SLC14A2: variants seen among roughly 807,000 people sequenced by gnomAD.
SLC14A2 encodes urea transporter 2.
Under a neutral mutation model 104.6 loss-of-function variants are expected in SLC14A2, and 91 were observed. The ratio of observed to expected loss-of-function variants is 0.87; its 90% confidence interval spans 0.73 to 1.04. The LOEUF (loss-of-function observed/expected upper bound fraction) is 1.04, where lower values mean the gene tolerates loss of function less well. Ranked by LOEUF, SLC14A2 falls within the 50% of genes least tolerant of loss-of-function variation. SLC14A2 has a pLI of 0.00. For missense variants in SLC14A2, 1,189 were observed against 1,156.0 expected (o/e 1.03, Z -0.41); for synonymous variants, 476 against 466.4 (o/e 1.02, Z -0.27).
the SLC14A2 span, among the ~76,000 whole-genome samples, chr18:45,196,383 T>C: frequency 2.6e-5 from 4 of 152,180 alleles, no homozygotes; most frequent in Non-Finnish European, 5.9e-5. Context: ...TGTTTCTTAT[T>C]GTGGATCACA....
chr18:45,376,215 G>A (rs1051701396), intron 1 of SLC14A2, among the ~76,000 whole-genome samples: 2 of 152,108 alleles, frequency 1.3e-5, no homozygotes, highest in Admixed American at 6.6e-5. Flanking sequence ...TGTGCACGCC[G>A]CCACTTTACT....
At chr18:45,314,318 A>C (rs60473906) in intron 1 of SLC14A2, among the ~76,000 whole-genome samples, 2,673 of 152,324 alleles carry the variant, frequency 0.018, 63 homozygotes, top group African/African-American at 0.061. Flanking sequence ...CTCCATAAAT[A>C]AGTAGTAAAC....
intron 2 of SLC14A2, among the ~76,000 whole-genome samples, chr18:45,593,035 A>AGGCCGGGCGCC (rs1209123712): frequency 2.6e-5 from 4 of 152,182 alleles, no homozygotes; most frequent in African/African-American, 9.7e-5. Context: ...ATAACATGTG[A>AGGCCGGGCGCC]GGCCGGGCGC....
chr18:45,656,774 C>T (rs2045845191), intron 10 of SLC14A2, among the ~76,000 whole-genome samples: 1 of 152,092 alleles, frequency 6.6e-6, no homozygotes, highest in African/African-American at 2.4e-5. Flanking sequence ...AACGTCTTCC[C>T]CATGGAATAA....
At chr18:45,493,475 AAC>A (rs1568239397) in intron 2 of SLC14A2, among the ~76,000 whole-genome samples, 1 of 152,238 alleles carries the variant, frequency 6.6e-6, no homozygotes, top group Non-Finnish European at 1.5e-5. Flanking sequence ...CACCTATAAT[AAC>A]AACAGCATTA....
At chr18:45,286,691 C>G (rs2084817658) in intron 1 of SLC14A2, among the ~76,000 whole-genome samples, 1 of 151,856 alleles carries the variant, frequency 6.6e-6, no homozygotes, top group Non-Finnish European at 1.5e-5. Flanking sequence ...ATGCATAACA[C>G]ACACACTCTC....
At chr18:45,608,850 G>C (rs1008457361) in intron 2 of SLC14A2, among the ~76,000 whole-genome samples, 1 of 152,152 alleles carries the variant, frequency 6.6e-6, no homozygotes, top group Admixed American at 6.5e-5. Context: ...GCGTGAGGGG[G>C]GCATGGAATA....
chr18:45,627,211 T>C, intron 4 of SLC14A2, 64 bp downstream of exon 4: 8 of 1,466,952 alleles, frequency 5.5e-6, no homozygotes, highest in Non-Finnish European at 7.6e-6. Flanking sequence ...AGGTGTTTAC[T>C]TGAGTAATCA....
At chr18:45,535,484 G>GAT (rs2043766429) in intron 2 of SLC14A2, among the ~76,000 whole-genome samples, 1 of 152,168 alleles carries the variant, frequency 6.6e-6, no homozygotes, top group South Asian at 2.1e-4. Flanking sequence ...CATCCCGTGA[G>GAT]ATATATATTT....
chr18:45,196,021 C>G, the SLC14A2 span, among the ~76,000 whole-genome samples: 24 of 152,138 alleles, frequency 1.6e-4, no homozygotes, highest in Non-Finnish European at 2.9e-4. Flanking sequence ...AGGAGACTGA[C>G]ATACAGAAGA....
chr18:45,473,888 G>T (rs534196715), intron 1 of SLC14A2, among the ~76,000 whole-genome samples: 3 of 152,210 alleles, frequency 2.0e-5, no homozygotes, highest in South Asian at 4.1e-4. Flanking sequence ...TTGCCTGATT[G>T]CCCTGGCCAG....
At chr18:45,281,305 TAC>T (rs201084847) in intron 1 of SLC14A2, among the ~76,000 whole-genome samples, 2 of 152,036 alleles carry the variant, frequency 1.3e-5, no homozygotes, top group African/African-American at 2.4e-5. Context: ...TATACACACT[TAC>T]ACACACACAC....
At chr18:45,322,478 G>A (rs186238668) in intron 1 of SLC14A2, among the ~76,000 whole-genome samples, 286 of 152,254 alleles carry the variant, frequency 1.9e-3, no homozygotes, top group Middle Eastern at 0.017. Context: ...CTTACATAAC[G>A]TTCTGACATG....
chr18:45,472,637 C>T (rs1033005933), intron 1 of SLC14A2, among the ~76,000 whole-genome samples: 4 of 152,130 alleles, frequency 2.6e-5, no homozygotes, highest in Non-Finnish European at 4.4e-5. Flanking sequence ...TGATGATGAG[C>T]TTTTTTTCAT....
intron 1 of SLC14A2, among the ~76,000 whole-genome samples, chr18:45,403,759 G>GATGAATGAATGAATGAATGA (rs57905800): frequency 0.067 from 9,028 of 135,142 alleles, 331 homozygotes; most frequent in East Asian, 0.17. Flanking sequence ...TTTAATCAGT[G>GATGAATGAATGAATGAATGA]ATGAATGAAT....
At chr18:45,291,641 GAGA>G (rs1391986402) in intron 1 of SLC14A2, among the ~76,000 whole-genome samples, 1 of 152,154 alleles carries the variant, frequency 6.6e-6, no homozygotes, top group African/African-American at 2.4e-5. Context: ...CACTCTTCAG[GAGA>G]AGAATAAAGT....
chr18:45,606,909 G>A (rs544448375), intron 2 of SLC14A2, among the ~76,000 whole-genome samples: 2 of 152,198 alleles, frequency 1.3e-5, no homozygotes, highest in African/African-American at 4.8e-5. Flanking sequence ...TACATCCTAC[G>A]TTGTTTTTAT....
chr18:45,666,195 C>G lies in SLC14A2; in HGVS notation c.1533C>G (p.Tyr511Ter), dbSNP rs770609593. ...RQNKDPFPYR[Y>*]RKPTVELLDL... Reference sequence around the variant, plus strand: ...ACAAAGACCCATTTCCCTATCGATACCGGAAGCCCACAGTCGAGCTGCTTG... The same window carrying G: ...ACAAAGACCCATTTCCCTATCGATAGCGGAAGCCCACAGTCGAGCTGCTTG... Residue 511 changes from tyrosine to a stop codon, truncating the protein, a stop_gained, in exon 12 of 20, where the codon TAC becomes TAG. Coordinates refer to ENST00000255226, the MANE Select transcript of SLC14A2 (RefSeq NM_007163.4). LOFTEE classifies it high-confidence loss of function. The G allele has an allele frequency of 3.7e-6, 6 of 1,613,280 alleles. No individual in the cohort carries two copies. The African/African-American group carries it at 8.0e-5, about 22-fold the overall frequency.
chr18:45,475,679 ATATATATATG>A (rs2087364126), intron 1 of SLC14A2, among the ~76,000 whole-genome samples: 1 of 68,434 alleles, frequency 1.5e-5, no homozygotes, highest in African/African-American at 5.9e-5. Context: ...ATATATATAT[ATATATATATG>A]ATAGTTATCT....
Sources: allele counts gnomAD v4.1 joint callset (sites outside exome capture counted in the v4.1 genomes callset), GRCh38; gene constraint gnomAD v4.1.1; transcripts MANE v1.5; gene names NCBI Gene and HGNC (gene_info 2026-07-23, HGNC 2026-07-21).